CD22: variants seen among roughly 807,000 people sequenced by gnomAD.
CD22 encodes the protein CD22 molecule, also known as B-cell receptor CD22.
In CD22, 51 loss-of-function variants were observed where a neutral mutation model predicts 94.7. That is an observed-to-expected ratio of 0.54 (90% CI 0.43 to 0.68). CD22 has a LOEUF of 0.68. Ranked by LOEUF, CD22 falls within the 30% of genes least tolerant of loss-of-function variation. The pLI is 0.00. For synonymous variants in CD22, 424 were observed against 422.5 expected (o/e 1.00, Z -0.04); for missense variants, 931 against 1,060.4 (o/e 0.88, Z 1.69).
In CD22 at chr19:35,336,224, C is replaced by T. The variant is rs759616939; in HGVS notation, c.601C>T (p.Arg201Trp). ...CTTGACCATCAAGTCTGTCTTCACCCGGAGCGAGCTCAAGTTCTCCCCACA... is the reference window on the plus strand; with the variant it reads ...CTTGACCATCAAGTCTGTCTTCACCTGGAGCGAGCTCAAGTTCTCCCCACA... The part of the protein sequence containing the change: ...TSLTIKSVFT[R>W]SELKFSPQWS... Residue 201 changes from arginine (R) to tryptophan (W), a missense_variant, in exon 4 of 14, where the codon CGG (arginine) becomes TGG (tryptophan). Physicochemically the swap from Arg to Trp is moderately radical, Grantham distance 101 (BLOSUM62 -3). Transcript: ENST00000085219. 24 of 1,614,186 alleles carry T rather than the reference C, an allele frequency of 1.5e-5. No homozygotes were observed. The highest frequency in any genetic ancestry group is 8.8e-5 in the South Asian group (8 of 91,080).
chr19:35,335,816 C>G (rs1177607178), intron 3 of CD22, among the ~76,000 whole-genome samples: 1 of 152,050 alleles, frequency 6.6e-6, no homozygotes, highest in Non-Finnish European at 1.5e-5. Context: ...GATCGCGCCA[C>G]TGCACTCCAG....
rs147955320 is a variant in CD22, at chr19:35,337,035, C to T, written c.718+694C>T. On this transcript the variant is annotated intron_variant, in intron 4 of 13. Transcript: ENST00000085219. The surrounding 1 kb of genome is among the most constrained non-coding windows in gnomAD (Gnocchi z 4.4). ...CGGGGGGATCACAAGGTCAGGAGAT[C>T]GAGACCATCCTGGCTAACATGGTGA... Among the ~76,000 whole-genome samples the T allele has an allele frequency of 9.9e-3, 1,503 of 152,030 alleles. 33 individuals carry two copies. Among genetic ancestry groups the T allele is most frequent in the African/African-American group, 0.034 (1,428 of 41,478 alleles).
intron 2 of CD22, 54 bp from the exon 3 acceptor site, chr19:35,332,493 T>C (rs1466143811): frequency 3.4e-6 from 5 of 1,485,542 alleles, no homozygotes; most frequent in Non-Finnish European, 4.5e-6. Context: ...AAAATAACTT[T>C]TAAAAGAAGG....
intron 11 of CD22, 83 bp downstream of exon 11, chr19:35,345,209 G>C (rs2066884407): frequency 8.4e-7 from 1 of 1,196,694 alleles, no homozygotes; most frequent in African/African-American, 1.5e-5. Context: ...CCTGAGGTCA[G>C]GAGTTCGAGA....
At chr19:35,335,236 TG>T (rs143446483) in intron 3 of CD22, among the ~76,000 whole-genome samples, 15,730 of 151,856 alleles carry the variant, frequency 0.1, 1,009 homozygotes, top group East Asian at 0.19. Context: ...GGATTTCGGG[TG>T]AGCAAAAGTG....
At chr19:35,338,660 C>T (rs1186020712) in intron 6 of CD22, among the ~76,000 whole-genome samples, 4 of 151,776 alleles carry the variant, frequency 2.6e-5, no homozygotes, top group Non-Finnish European at 4.4e-5. Flanking sequence ...ATGGAGTCTC[C>T]CTCTGTCTCC....
intron 9 of CD22, among the ~76,000 whole-genome samples, chr19:35,342,842 G>C (rs1004814375): frequency 6.6e-6 from 1 of 151,424 alleles, no homozygotes; most frequent in Non-Finnish European, 1.5e-5. Flanking sequence ...ACGGAGTCTC[G>C]ATCTGTCACC....
At chr19:35,343,480 T>A (rs1008218241) in intron 9 of CD22, among the ~76,000 whole-genome samples, 12 of 152,168 alleles carry the variant, frequency 7.9e-5, no homozygotes, top group Non-Finnish European at 1.5e-4. Flanking sequence ...CCCTTCCTCA[T>A]GACACAGACG....
intron 12 of CD22, 58 bp downstream of exon 12, chr19:35,345,778 C>A: frequency 8.3e-7 from 1 of 1,198,984 alleles, no homozygotes; most frequent in Non-Finnish European, 1.2e-6. Context: ...GGAGGAAAAG[C>A]TCTGTCCCGC....
chr19:35,346,072 G>C (rs1447268770), intron 12 of CD22, 79 bp from the exon 13 acceptor site: 24 of 1,096,094 alleles, frequency 2.2e-5, no homozygotes, highest in South Asian at 8.7e-5. Flanking sequence ...GGGTGCTGTT[G>C]GGGGCTCTGG....
intron 9 of CD22, among the ~76,000 whole-genome samples, chr19:35,342,931 T>C (rs914205487): frequency 6.6e-6 from 1 of 151,886 alleles, no homozygotes; most frequent in Non-Finnish European, 1.5e-5. Context: ...CTGCCTCAGC[T>C]CCCCGAGTAG....
At chr19:35,344,093 G>A (rs1410380179) in intron 9 of CD22, among the ~76,000 whole-genome samples, 1 of 152,242 alleles carries the variant, frequency 6.6e-6, no homozygotes, top group Admixed American at 6.5e-5. Context: ...CTACTCGGGA[G>A]GCTGAGGCAG....
Position 35,341,875 on chromosome 19 carries a change from G to A in CD22, c.1945G>A (p.Val649Met). The change falls in exon 9 of 14, where the codon GTG becomes ATG. Residue 649 changes from valine (V) to methionine (M), a missense_variant. Transcript: ENST00000085219. This position sits in a 1 kb window ranked among gnomAD's most constrained non-coding sequence, Gnocchi z 4.0. ...YHSQKLRLEPVKVQHSGAYWC... is the reference protein window; with the variant it reads ...YHSQKLRLEPMKVQHSGAYWC... The stretch of plus-strand genomic sequence containing the variant: ...CAGCCAGAAGCTGAGATTGGAGCCG[G>A]TGAAGGTCCAGCACTCGGGTGCCTA... 6.2e-7 allele frequency: 1 copy of A among 1,614,122 alleles called. No individual in the cohort carries two copies. Among genetic ancestry groups the A allele is most frequent in the South Asian group, 1.1e-5 (1 of 91,084 alleles).
intron 1 of CD22, chr19:35,329,670 T>C (rs2145640853): frequency 5.8e-6 from 1 of 171,602 alleles, no homozygotes; most frequent in African/African-American, 2.3e-5. Context: ...CAGCACACAG[T>C]CCTGCTCTGG....
chr19:35,344,837 G>T lies in CD22; in HGVS notation c.2044G>T (p.Glu682Ter). Reference sequence around the variant, plus strand: ...CTCCTTTCTCCACCCAGATAGCCCGGAGACCATCGGCAGGCGAGTGGCTGT... The same window carrying T: ...CTCCTTTCTCCACCCAGATAGCCCGTAGACCATCGGCAGGCGAGTGGCTGT... Reference protein sequence around the residue: ...LSTLTVYYSPETIGRRVAVGL... With the variant: ...LSTLTVYYSP The change falls in exon 10 of 14, where the codon GAG (glutamate) becomes TAG (stop). Residue 682 changes from glutamate to a stop codon, truncating the protein, a stop_gained. Transcript: ENST00000085219. LOFTEE classifies it high-confidence loss of function. 6.2e-7 allele frequency: 1 copy of T among 1,611,720 alleles called. No individual in the cohort carries two copies. Among genetic ancestry groups the T allele is most frequent in the Non-Finnish European group, 8.5e-7 (1 of 1,178,246 alleles).
At chr19:35,333,995 C>T (rs1198366918) in intron 3 of CD22, among the ~76,000 whole-genome samples, 2 of 152,132 alleles carry the variant, frequency 1.3e-5, no homozygotes, top group Admixed American at 6.6e-5. Context: ...TTTGAGCTCC[C>T]GATGCGTAGT....
In CD22 at chr19:35,336,357, A is replaced by G; in HGVS notation, c.718+16A>G. The G allele has an allele frequency of 1.9e-6, 3 of 1,610,908 alleles. No homozygotes were observed. The highest frequency in any genetic ancestry group is 2.5e-6 in the Non-Finnish European group (3 of 1,177,882). On this transcript the variant is annotated intron_variant, in intron 4 of 13. Transcript: ENST00000085219. ...AACGTGAAGCGTGAGTCTCCCCGGC[A>G]TGCCTGTGGGAAGGGCAAGGTCTGT... is the stretch of plus-strand genomic sequence containing the variant.
intron 1 of CD22, 131 bp from the exon 2 acceptor site, chr19:35,331,888 T>A: frequency 6.5e-7 from 1 of 1,535,690 alleles, no homozygotes; most frequent in Non-Finnish European, 8.8e-7. Flanking sequence ...AAATGCCACA[T>A]CCCCATAATG....
Position 35,345,039 on chromosome 19 carries a change from T to A in CD22, c.2133-12T>A, listed in dbSNP as rs759166841. Reference sequence around the variant, plus strand: ...AGTCCCTGACCCTCACACATGTGCCTTTATTTCTCAGTTGGAAGAGGACAC... The same window carrying A: ...AGTCCCTGACCCTCACACATGTGCCATTATTTCTCAGTTGGAAGAGGACAC... On this transcript the variant is annotated splice_polypyrimidine_tract_variant and intron_variant, in intron 10 of 13. Coordinates refer to ENST00000085219, the MANE Select transcript of CD22 (RefSeq NM_001771.4). 27 of 1,613,422 alleles carry A rather than the reference T, an allele frequency of 1.7e-5. No homozygotes were observed. Among genetic ancestry groups the A allele is most frequent in the Non-Finnish European group, 2.3e-5 (27 of 1,179,530 alleles).
Sources: allele counts gnomAD v4.1 joint callset (sites outside exome capture counted in the v4.1 genomes callset), GRCh38; gene constraint gnomAD v4.1.1; non-coding constraint Gnocchi (gnomAD v3.1); transcripts MANE v1.5; gene names NCBI Gene and HGNC (gene_info 2026-07-23, HGNC 2026-07-21).